Variants in C16orf89 observed in about 807,000 individuals in gnomAD.
The protein encoded by C16orf89 is chromosome 16 open reading frame 89, also known as UPF0764 protein C16orf89.
C16orf89 carries 57 observed loss-of-function variants against 41.5 expected under a neutral mutation model. That is an observed-to-expected ratio of 1.38 (90% CI 1.11 to 1.71). The LOEUF is 1.71. Ranked by LOEUF, C16orf89 falls within the 40% of genes most tolerant of loss-of-function variation. The pLI, the probability that C16orf89 is intolerant of heterozygous loss-of-function variation, is 0.00. For missense variants in C16orf89, 575 were observed against 445.9 expected, an observed-to-expected ratio of 1.29 and a Z score of -2.61; for synonymous variants, 223 against 190.6, an observed-to-expected ratio of 1.17 and a Z score of -1.40.
intron 4 of C16orf89, 152 bp from the exon 5 acceptor site, chr16:5,056,340 G>A (rs1278405339): frequency 4.5e-6 from 3 of 661,410 alleles, no homozygotes; most frequent in Non-Finnish European, 6.9e-6. Context: ...CCTTTTCGCA[G>A]GATTTCTTCC....
chr16:5,047,193 T>A (rs560704578), intron 7 of C16orf89, among the ~76,000 whole-genome samples: 2 of 152,274 alleles, frequency 1.3e-5, no homozygotes, highest in South Asian at 4.1e-4. Context: ...TAACACTGCC[T>A]CCTCCTGCCA....
intron 7 of C16orf89, chr16:5,044,804 A>G (rs1029205339): frequency 5.7e-6 from 7 of 1,220,562 alleles, no homozygotes; most frequent in Non-Finnish European, 7.4e-6. Context: ...AGATTGCGCC[A>G]CTGTACTCCA....
chr16:5,045,763 T>G (rs767784387), intron 7 of C16orf89, among the ~76,000 whole-genome samples: 17 of 152,260 alleles, frequency 1.1e-4, no homozygotes, highest in Admixed American at 3.9e-4. Flanking sequence ...GAAGCGGGAC[T>G]CGAACCCACA....
At chr16:5,052,353 C>A (rs1194036727) in intron 6 of C16orf89, among the ~76,000 whole-genome samples, 1 of 152,120 alleles carries the variant, frequency 6.6e-6, no homozygotes, top group African/African-American at 2.4e-5. Context: ...CTTTAGGAGG[C>A]CGTGGCTGGT....
chr16:5,065,775 C>CT lies in C16orf89; in HGVS notation c.133dup (p.Arg45LysfsTer12), dbSNP rs1379685833. On this transcript the variant is annotated frameshift_variant, in exon 1 of 8. Transcript: ENST00000472572. LOFTEE classifies it high-confidence loss of function. ...CCTCTGTTCTAGGAAGACGGTGGCT[C>CT]TCTCCAGCGCAGACAGGATCAGGTC... 3 of 1,614,176 alleles carry CT rather than the reference C, an allele frequency of 1.9e-6. No homozygotes were observed. The highest frequency in any genetic ancestry group is 2.5e-6 in the Non-Finnish European group (3 of 1,179,974).
In C16orf89 at chr16:5,058,617, G is replaced by A. The variant is rs754534866; in HGVS notation, c.510-7C>T. The A allele has an allele frequency of 4.4e-6, 7 of 1,603,066 alleles. No homozygotes were observed. The highest frequency in any genetic ancestry group is 4.0e-5 in the African/African-American group (3 of 74,712). ...GGGCTCGCTGCTGTCCGTCCTGGGG[G>A]AAAGTGGTTCCAAGCTGTTAAGGAT... On this transcript the variant is annotated splice_region_variant and splice_polypyrimidine_tract_variant and intron_variant, in intron 3 of 7. Transcript: ENST00000472572.
intron 1 of C16orf89, among the ~76,000 whole-genome samples, chr16:5,063,420 G>A (rs1055961504): frequency 2.6e-5 from 4 of 152,120 alleles, no homozygotes; most frequent in African/African-American, 9.7e-5. Context: ...TGATTGCACC[G>A]GGTCTACAAA....
intron 6 of C16orf89, 44 bp downstream of exon 6, chr16:5,055,202 C>T: frequency 3.4e-6 from 5 of 1,491,748 alleles, no homozygotes; most frequent in Non-Finnish European, 4.6e-6. Context: ...GCCACCCCCA[C>T]CCCCACTGCC....
At chr16:5,061,502 A>AAT (rs1555449406) in intron 2 of C16orf89, among the ~76,000 whole-genome samples, 1 of 46,658 alleles carries the variant, frequency 2.1e-5, no homozygotes, top group Admixed American at 3.5e-4. Context: ...AAAAAAAAAA[A>AAT]AACCCCCCCA....
At chr16:5,060,115 GA>G in intron 3 of C16orf89, 170 bp downstream of exon 3, 3 of 744,778 alleles carry the variant, frequency 4.0e-6, no homozygotes, top group Non-Finnish European at 5.9e-6. Context: ...GAGCAAGGGG[GA>G]CCCTGCTGGA....
rs1370215270 is a variant in C16orf89, at chr16:5,062,441, A to G, written c.342T>C (p.Asp114=). 2 of 1,613,256 alleles carry G rather than the reference A, an allele frequency of 1.2e-6. No homozygotes were observed. Among genetic ancestry groups the G allele is most frequent in the African/African-American group, 2.7e-5 (2 of 74,880 alleles). ...QRSLHYLKLS[D]PKYLREFQLT... ...TGTGCTCACCTCTTAGGTACTTGGG[A>G]TCACTCAGCTTGAGGTAGTGGAGGG... Residue 114 remains aspartate (D), a synonymous_variant, in exon 2 of 8, where the codon GAT becomes GAC. Coordinates refer to ENST00000472572, the MANE Select transcript of C16orf89 (RefSeq NM_001098514.3).
chr16:5,049,014 AGAGT>A (rs2142610672), intron 6 of C16orf89, among the ~76,000 whole-genome samples: 1 of 152,368 alleles, frequency 6.6e-6, no homozygotes, highest in South Asian at 2.1e-4. Context: ...TGAAAGTGAA[AGAGT>A]GAGAAAAGAT....
chr16:5,065,799 T>A lies in C16orf89; in HGVS notation c.110A>T (p.Asp37Val). The A allele has an allele frequency of 1.9e-6, 3 of 1,614,170 alleles. No individual in the cohort carries two copies. Among genetic ancestry groups the A allele is most frequent in the South Asian group, 1.1e-5 (1 of 91,086 alleles). ...DTAESKATIADLILSALERAT... is the reference protein window; with the variant it reads ...DTAESKATIAVLILSALERAT... ...TCTCTCCAGCGCAGACAGGATCAGG[T>A]CTGCAATGGTGGCTTTACTTTCAGC... The change falls in exon 1 of 8, where the codon GAC (aspartate) becomes GTC (valine). Residue 37 changes from aspartate (D) to valine (V), a missense_variant. Transcript: ENST00000472572.
intron 6 of C16orf89, among the ~76,000 whole-genome samples, chr16:5,049,666 AAC>A (rs1956362309): frequency 1.3e-5 from 2 of 152,200 alleles, no homozygotes; most frequent in Admixed American, 1.3e-4. Context: ...TGAAAATAGA[AAC>A]ACAATATGCC....
At chr16:5,048,492 G>A (rs1294739825) in intron 6 of C16orf89, among the ~76,000 whole-genome samples, 1 of 152,128 alleles carries the variant, frequency 6.6e-6, no homozygotes, top group Non-Finnish European at 1.5e-5. Context: ...TCTACTGATG[G>A]TTTTCCAAAC....
At chr16:5,059,415 G>A (rs945020648) in intron 3 of C16orf89, among the ~76,000 whole-genome samples, 1 of 151,298 alleles carries the variant, frequency 6.6e-6, no homozygotes, top group Non-Finnish European at 1.5e-5. Flanking sequence ...GCAGTGAGCC[G>A]AGAAAGAACA....
intron 6 of C16orf89, among the ~76,000 whole-genome samples, chr16:5,049,220 A>T (rs956520245): frequency 3.3e-5 from 5 of 152,204 alleles, no homozygotes; most frequent in African/African-American, 1.2e-4. Flanking sequence ...GTTATTAGAT[A>T]TAAAGGGAGA....
chr16:5,060,382 TG>T lies in C16orf89; in HGVS notation c.412del (p.His138ThrfsTer50), dbSNP rs1313540725. On this transcript the variant is annotated frameshift_variant, in exon 3 of 8. Transcript: ENST00000472572. LOFTEE classifies it high-confidence loss of function. ...GGGGTACACCAAGGAGGCATCAGTG[TG>T]GATCCAGGCATGTGGGAGCTTCCAA... ...GFWKLPHAWI[H>X]TDASLVYPTF... 2.5e-6 allele frequency: 4 copies of T among 1,613,450 alleles called. No individual in the cohort carries two copies. Among genetic ancestry groups the T allele is most frequent in the Non-Finnish European group, 3.4e-6 (4 of 1,179,738 alleles).
At position 5,044,378 on chromosome 16, in the gene C16orf89, TG is replaced by T; in HGVS notation, c.1055del (p.Pro352HisfsTer27). ...EYPPANREPH[P>X]STPPPPSSR ...GGCTGCTTGGTGGTGGCGGTGTGGA[TG>T]GGTGTGGCTCTCTGTTTGCTGGGGG... On this transcript the variant is annotated frameshift_variant, in exon 8 of 8. Transcript: ENST00000472572. LOFTEE classifies it low-confidence loss of function (END_TRUNC). 4 of 1,610,810 alleles carry T rather than the reference TG, an allele frequency of 2.5e-6. No individual in the cohort carries two copies. Among genetic ancestry groups the T allele is most frequent in the Non-Finnish European group, 3.4e-6 (4 of 1,179,018 alleles).
Sources: gnomAD v4.1 joint callset for allele counts (sites outside exome capture counted in the v4.1 genomes callset) on GRCh38, gnomAD v4.1.1 for gene constraint, MANE v1.5 for transcripts, NCBI Gene and HGNC (gene_info 2026-07-23, HGNC 2026-07-21) for gene names.